Variants in HTR1F observed in about 807,000 individuals in gnomAD.
The protein encoded by HTR1F is 5-hydroxytryptamine receptor 1F, also known as 5-hydroxytryptamine (serotonin) receptor 1F, G protein-coupled.
In HTR1F, 17 loss-of-function variants were observed where a neutral mutation model predicts 24.0. The ratio of observed to expected loss-of-function variants is 0.71; its 90% CI spans 0.48 to 1.06. The LOEUF is 1.06. Ranked by LOEUF, HTR1F falls within the 50% of genes least tolerant of loss-of-function variation. The pLI is 0.00. For synonymous variants in HTR1F, 186 were observed against 156.8 expected, an observed-to-expected ratio of 1.19 and a Z score of -1.39; for missense variants, 391 against 427.8, an observed-to-expected ratio of 0.91 and a Z score of 0.76.
intron 2 of HTR1F, among the ~76,000 whole-genome samples, chr3:87,947,197 C>A (rs904370252): frequency 6.6e-6 from 1 of 152,100 alleles, no homozygotes; most frequent in South Asian, 2.1e-4. Context: ...ATAATATTTT[C>A]TTCTCATCAT....
chr3:87,893,687 G>T (rs1364393588), intron 2 of HTR1F, among the ~76,000 whole-genome samples: 1 of 152,198 alleles, frequency 6.6e-6, no homozygotes, highest in East Asian at 1.9e-4. Flanking sequence ...CAGCATCTTT[G>T]CTTTGCAATC....
At chr3:87,969,996 T>G (rs895824738) in intron 2 of HTR1F, among the ~76,000 whole-genome samples, 3 of 152,156 alleles carry the variant, frequency 2.0e-5, no homozygotes, top group African/African-American at 2.4e-5. Flanking sequence ...GACATGGCTT[T>G]TGCCTTCTGC....
At chr3:87,821,077 C>T (rs572605224) in intron 1 of HTR1F, among the ~76,000 whole-genome samples, 13 of 152,210 alleles carry the variant, frequency 8.5e-5, no homozygotes, top group African/African-American at 3.1e-4. Context: ...ACCAGTTGTG[C>T]TTTATTCAAG....
intron 2 of HTR1F, among the ~76,000 whole-genome samples, chr3:87,947,110 TAAAAG>T (rs1483418156): frequency 6.6e-6 from 1 of 152,212 alleles, no homozygotes; most frequent in South Asian, 2.1e-4. Flanking sequence ...GAATTCTTAT[TAAAAG>T]AAAACATTTT....
At chr3:87,930,110 C>A (rs1402563603) in intron 2 of HTR1F, among the ~76,000 whole-genome samples, 1 of 152,102 alleles carries the variant, frequency 6.6e-6, no homozygotes. Context: ...TATAGGAATG[C>A]TAGTGATTTT....
At chr3:87,905,114 C>A (rs1286823619) in intron 2 of HTR1F, among the ~76,000 whole-genome samples, 1 of 151,678 alleles carries the variant, frequency 6.6e-6, no homozygotes, top group African/African-American at 2.4e-5. Flanking sequence ...TTGAAACTAG[C>A]CTGAGCAACA....
intron 2 of HTR1F, among the ~76,000 whole-genome samples, chr3:87,978,135 GCAC>G (rs1334138375): frequency 6.6e-6 from 1 of 152,152 alleles, no homozygotes; most frequent in East Asian, 1.9e-4. Context: ...TGGATTAGAT[GCAC>G]CACAAGCAGG....
chr3:87,839,088 G>A (rs903978888), intron 2 of HTR1F, among the ~76,000 whole-genome samples: 2 of 140,986 alleles, frequency 1.4e-5, no homozygotes, highest in Admixed American at 7.1e-5. Context: ...TCTTTTGCTT[G>A]TGCTTTGATT....
intron 2 of HTR1F, 68 bp from the exon 3 acceptor site, chr3:87,990,637 AATT>A (rs1705799614): frequency 4.1e-6 from 3 of 736,762 alleles, no homozygotes; most frequent in Non-Finnish European, 6.6e-6. Context: ...ACTTTTTAAA[AATT>A]ATTCTGAAAG....
At chr3:87,937,250 A>T (rs59760029) in intron 2 of HTR1F, among the ~76,000 whole-genome samples, 4,887 of 152,244 alleles carry the variant, frequency 0.032, 241 homozygotes, top group African/African-American at 0.11. Context: ...TGCAAACTGA[A>T]TCCAGCAACA....
chr3:87,918,734 C>A (rs1703948635), intron 2 of HTR1F, among the ~76,000 whole-genome samples: 1 of 151,820 alleles, frequency 6.6e-6, no homozygotes, highest in African/African-American at 2.4e-5. Context: ...TTCTTTCAAA[C>A]AAATGAAAAC....
intron 2 of HTR1F, among the ~76,000 whole-genome samples, chr3:87,855,641 T>G (rs1031309714): frequency 2.0e-5 from 3 of 152,106 alleles, no homozygotes. Context: ...TATCTGCAGT[T>G]TTCGTTGTGC....
intron 2 of HTR1F, among the ~76,000 whole-genome samples, chr3:87,967,257 C>T (rs1705184327): frequency 6.6e-6 from 1 of 152,078 alleles, no homozygotes; most frequent in Non-Finnish European, 1.5e-5. Flanking sequence ...TGAGATCAGC[C>T]TTGCCAACAT....
intron 2 of HTR1F, among the ~76,000 whole-genome samples, chr3:87,932,320 G>A (rs531771301): frequency 3.3e-5 from 5 of 152,182 alleles, no homozygotes; most frequent in Non-Finnish European, 5.9e-5. Flanking sequence ...CCTATTTCTT[G>A]TTTTTCTCAG....
chr3:87,816,372 T>A (rs1704250889), intron 1 of HTR1F, among the ~76,000 whole-genome samples: 1 of 152,086 alleles, frequency 6.6e-6, no homozygotes, highest in African/African-American at 2.4e-5. Flanking sequence ...GTTTGTTTGT[T>A]TTTTGTTTTG....
intron 1 of HTR1F, among the ~76,000 whole-genome samples, chr3:87,821,737 G>A (rs1190715740): frequency 6.6e-6 from 1 of 151,948 alleles, no homozygotes; most frequent in Non-Finnish European, 1.5e-5. Context: ...AGTAATAAAC[G>A]TTAATTACAA....
At chr3:87,936,906 C>T (rs768542335) in intron 2 of HTR1F, among the ~76,000 whole-genome samples, 2 of 151,946 alleles carry the variant, frequency 1.3e-5, no homozygotes, top group African/African-American at 4.8e-5. Flanking sequence ...AGACTCTACA[C>T]CATCTCAAGA....
intron 2 of HTR1F, among the ~76,000 whole-genome samples, chr3:87,952,657 G>A (rs752212092): frequency 1.1e-4 from 17 of 151,850 alleles, no homozygotes; most frequent in African/African-American, 1.4e-4. Context: ...CAATTTACAC[G>A]CGTAATTTCT....
At chr3:87,815,764 A>T (rs1465098027) in intron 1 of HTR1F, among the ~76,000 whole-genome samples, 1 of 152,148 alleles carries the variant, frequency 6.6e-6, no homozygotes, top group African/African-American at 2.4e-5. Context: ...ATTACTATAG[A>T]TGCCAACAGC....
Sources: gnomAD v4.1 joint callset for allele counts (sites outside exome capture counted in the v4.1 genomes callset) on GRCh38, gnomAD v4.1.1 for gene constraint, MANE v1.5 for transcripts, NCBI Gene and HGNC (gene_info 2026-07-23, HGNC 2026-07-21) for gene names.